CEP63: variants seen among roughly 807,000 people sequenced by gnomAD.
CEP63 encodes the protein centrosomal protein 63.
A neutral mutation model predicts 89.1 loss-of-function variants in CEP63; 84 were observed. The observed-to-expected ratio is 0.94, with a 90% CI of 0.79 to 1.13. The LOEUF (loss-of-function observed/expected upper bound fraction) is 1.13, where lower values mean the gene tolerates loss of function less well. CEP63 is among the 50% of genes most tolerant of loss of function. CEP63 has a pLI of 0.00. For synonymous variants in CEP63, 267 were observed against 272.5 expected (o/e 0.98, Z 0.20); for missense variants, 838 against 813.3 (o/e 1.03, Z -0.37).
At chr3:134,633,273 T>C in the CEP63 span, among the ~76,000 whole-genome samples, 4 of 152,092 alleles carry the variant, frequency 2.6e-5, no homozygotes, top group Non-Finnish European at 5.9e-5. Flanking sequence ...AGCATTAATC[T>C]GATATCAACA....
chr3:134,527,039 CCAAAG>C (rs1199197228), intron 3 of CEP63, among the ~76,000 whole-genome samples: 1 of 152,166 alleles, frequency 6.6e-6, no homozygotes, highest in Admixed American at 6.6e-5. Context: ...GTGGTGGCAG[CCAAAG>C]CATTTCATAG....
chr3:134,510,187 T>C (rs77186325), intron 3 of CEP63, among the ~76,000 whole-genome samples: 3,691 of 152,308 alleles, frequency 0.024, 152 homozygotes, highest in African/African-American at 0.084. Context: ...GTTTTCTTAG[T>C]GCTCAGCTGA....
chr3:134,578,016 C>T (rs918930732), downstream of CEP63, among the ~76,000 whole-genome samples: 22 of 152,182 alleles, frequency 1.4e-4, no homozygotes, highest in Non-Finnish European at 2.8e-4. Context: ...TTTATCCAGT[C>T]TATCATTGAT....
chr3:134,592,469 G>GGGGTGT (rs1553800535), downstream of CEP63, among the ~76,000 whole-genome samples: 1 of 125,108 alleles, frequency 8.0e-6, no homozygotes, highest in Non-Finnish European at 1.6e-5. Context: ...TCTGCAAACT[G>GGGGTGT]GTGTGTGTGT....
At chr3:134,610,525 T>C in the CEP63 span, 1 of 696,814 alleles carries the variant, frequency 1.4e-6, no homozygotes. Flanking sequence ...TACTCACATA[T>C]AAACAGCCTT....
downstream of CEP63, among the ~76,000 whole-genome samples, chr3:134,578,162 T>C (rs1415005016): frequency 6.6e-6 from 1 of 152,150 alleles, no homozygotes; most frequent in African/African-American, 2.4e-5. Context: ...GGTCAAATGG[T>C]ATTTCTGGTT....
the CEP63 span, among the ~76,000 whole-genome samples, chr3:134,678,822 C>A: frequency 2.6e-5 from 4 of 152,234 alleles, no homozygotes; most frequent in Non-Finnish European, 5.9e-5. Flanking sequence ...CATGCACCCC[C>A]TCCACTTGGA....
the CEP63 span, among the ~76,000 whole-genome samples, chr3:134,776,314 A>G: frequency 2.6e-5 from 4 of 152,254 alleles, no homozygotes; most frequent in East Asian, 7.7e-4. Flanking sequence ...TAAGACAAAC[A>G]AGTGAAATTC....
At chr3:134,650,945 CCTT>C in the CEP63 span, 1 of 1,613,324 alleles carries the variant, frequency 6.2e-7, no homozygotes, top group Non-Finnish European at 8.5e-7. Flanking sequence ...GCGTTGATGT[CCTT>C]CTTCAGCTCC....
the CEP63 span, among the ~76,000 whole-genome samples, chr3:134,737,869 C>T: frequency 7.8e-3 from 1,182 of 152,258 alleles, 47 homozygotes; most frequent in Admixed American, 0.059. Context: ...CCCATGTAAC[C>T]TCTCCAAGTG....
intron 2 of CEP63, among the ~76,000 whole-genome samples, 198 bp from the exon 3 acceptor site, chr3:134,506,911 T>TC (rs1943579752): frequency 1.3e-5 from 1 of 75,052 alleles, no homozygotes; most frequent in African/African-American, 5.5e-5. Context: ...AGAATGAAAC[T>TC]CCATCTCAAA....
chr3:134,640,403 G>A, the CEP63 span, among the ~76,000 whole-genome samples: 5 of 152,150 alleles, frequency 3.3e-5, no homozygotes, highest in Non-Finnish European at 5.9e-5. Context: ...TTCCCTATCT[G>A]TAAAATGAGG....
At chr3:134,594,741 C>G in the CEP63 span, among the ~76,000 whole-genome samples, 384 of 152,348 alleles carry the variant, frequency 2.5e-3, 2 homozygotes, top group African/African-American at 8.7e-3. Context: ...ACCCAGAGAT[C>G]TATCATTTTG....
At chr3:134,708,559 A>C in the CEP63 span, among the ~76,000 whole-genome samples, 1 of 152,220 alleles carries the variant, frequency 6.6e-6, no homozygotes, top group Non-Finnish European at 1.5e-5. Flanking sequence ...TCACAGCACA[A>C]ACACAGTTCT....
chr3:134,715,889 G>T, the CEP63 span, among the ~76,000 whole-genome samples: 256 of 151,960 alleles, frequency 1.7e-3, 1 homozygote, highest in African/African-American at 5.8e-3. Context: ...TAATTAAATT[G>T]TTGTCTCCTA....
the CEP63 span, among the ~76,000 whole-genome samples, chr3:134,763,519 C>A: frequency 4.6e-5 from 7 of 152,086 alleles, no homozygotes; most frequent in Admixed American, 2.0e-4. Context: ...GGGATAAATA[C>A]TTTCTTATCT....
At chr3:134,498,335 T>C (rs1940841891) in intron 2 of CEP63, among the ~76,000 whole-genome samples, 1 of 152,184 alleles carries the variant, frequency 6.6e-6, no homozygotes, top group African/African-American at 2.4e-5. Context: ...ATGGGATTGC[T>C]TTTTTGATTT....
At chr3:134,555,426 C>G (rs1464332565) in intron 12 of CEP63, among the ~76,000 whole-genome samples, 2 of 150,736 alleles carry the variant, frequency 1.3e-5, no homozygotes, top group Non-Finnish European at 3.0e-5. Context: ...TCAGCAAAGT[C>G]TCAGGATACA....
At chr3:134,640,474 T>G in the CEP63 span, among the ~76,000 whole-genome samples, 1 of 152,112 alleles carries the variant, frequency 6.6e-6, no homozygotes, top group African/African-American at 2.4e-5. Flanking sequence ...TGAGAGGGGC[T>G]TAGCTTAATA....
Sources: gnomAD v4.1 joint callset for allele counts (sites outside exome capture counted in the v4.1 genomes callset) on GRCh38, gnomAD v4.1.1 for gene constraint, MANE v1.5 for transcripts, NCBI Gene and HGNC (gene_info 2026-07-23, HGNC 2026-07-21) for gene names.